Variants in TMEM52B observed in about 807,000 individuals in gnomAD.
The protein encoded by TMEM52B is transmembrane protein 52B, also known as chromosome 12 open reading frame 59.
TMEM52B carries 11 observed loss-of-function variants against 16.1 expected under a neutral mutation model. The observed-to-expected ratio is 0.68, with a 90% CI of 0.43 to 1.13. The LOEUF (loss-of-function observed/expected upper bound fraction) is 1.13, where lower values mean the gene tolerates loss of function less well. Ranked by LOEUF, TMEM52B falls within the 50% of genes most tolerant of loss-of-function variation. The probability of loss-of-function intolerance (pLI) is 0.00; values close to 1 mark genes in which losing one functional copy is unlikely to be tolerated. For missense variants in TMEM52B, 243 were observed against 230.4 expected, an observed-to-expected ratio of 1.05 and a Z score of -0.35; for synonymous variants, 101 against 93.8, an observed-to-expected ratio of 1.08 and a Z score of -0.45.
chr12:10,185,469 A>C, intron 3 of TMEM52B, 101 bp downstream of exon 3: 1 of 870,358 alleles, frequency 1.1e-6, no homozygotes, highest in East Asian at 2.4e-5. Flanking sequence ...GTAAGATTTC[A>C]TTACTTCATC....
At position 10,189,930 on chromosome 12, in the gene TMEM52B, G is replaced by T. The variant is rs761754619; in HGVS notation, c.342G>T (p.Arg114Ser). The change falls in exon 5 of 5, where the codon AGG becomes AGT. Residue 114 changes from arginine to serine, a missense_variant. Coordinates refer to ENST00000543484, the MANE Select transcript of TMEM52B (RefSeq NM_001384896.1). Reference protein sequence around the residue: ...LQSVFGPAARRILAVAHSHSS... With the variant: ...LQSVFGPAARSILAVAHSHSS... ...CGGTGTTTGGCCCTGCAGCTCGGAG[G>T]ATCCTGGCTGTGGCTCACTCCCACA... 12 of 1,614,002 alleles carry T rather than the reference G, an allele frequency of 7.4e-6. No individual in the cohort carries two copies. The highest frequency in any genetic ancestry group is 1.0e-5 in the Non-Finnish European group (12 of 1,180,058).
chr12:10,172,512 C>T (rs1045688528), intron 1 of TMEM52B: 1 of 159,914 alleles, frequency 6.3e-6, no homozygotes, highest in Non-Finnish European at 1.4e-5. Flanking sequence ...CAGACTGTTT[C>T]TATATGGTGT....
At chr12:10,180,666 C>T (rs1948812059) in intron 1 of TMEM52B, among the ~76,000 whole-genome samples, 1 of 152,192 alleles carries the variant, frequency 6.6e-6, no homozygotes, top group African/African-American at 2.4e-5. Context: ...CCTTCACTAC[C>T]CGCCATAAAC....
intron 1 of TMEM52B, among the ~76,000 whole-genome samples, chr12:10,181,870 T>C (rs909827353): frequency 1.3e-5 from 2 of 150,576 alleles, no homozygotes; most frequent in South Asian, 2.1e-4. Context: ...CTACTAAAAA[T>C]ACAAAAATTA....
rs1948883037 is a variant in TMEM52B, at chr12:10,186,599, C to T, written c.307+10C>T. The T allele has an allele frequency of 6.5e-7, 1 of 1,548,238 alleles. No individual in the cohort carries two copies. The highest frequency in any genetic ancestry group is 8.8e-7 in the Non-Finnish European group (1 of 1,136,012). ...CAGAGCACTATCACATGTGAGTACA[C>T]TGAACTTTTAACCTGGGAGGAGGAC... On this transcript the variant is annotated intron_variant, in intron 4 of 4. Transcript: ENST00000543484.
At chr12:10,181,101 C>G (rs762503130) in intron 1 of TMEM52B, among the ~76,000 whole-genome samples, 11 of 152,038 alleles carry the variant, frequency 7.2e-5, no homozygotes, top group Non-Finnish European at 1.5e-4. Context: ...GCCACTGCAC[C>G]CAGCCTTGAA....
At chr12:10,189,623 CAA>C (rs766090432) in intron 4 of TMEM52B, among the ~76,000 whole-genome samples, 6 of 82,910 alleles carry the variant, frequency 7.2e-5, no homozygotes, top group Admixed American at 2.7e-4. Flanking sequence ...AACTCCGTCT[CAA>C]AAAAAAAAAA....
At chr12:10,176,426 TA>T (rs1450129286), upstream of TMEM52B, among the ~76,000 whole-genome samples, 1 of 152,174 alleles carries the variant, frequency 6.6e-6, no homozygotes, top group Non-Finnish European at 1.5e-5. Flanking sequence ...TGATGGCAAT[TA>T]CGTGTTAGAA....
In TMEM52B at chr12:10,189,924, T is replaced by C. The variant is rs775485374; in HGVS notation, c.336T>C (p.Ala112=). Residue 112 remains alanine, a synonymous_variant, in exon 5 of 5, where the codon GCT becomes GCC. Coordinates refer to ENST00000543484, the MANE Select transcript of TMEM52B (RefSeq NM_001384896.1). ...TGCAGTCGGTGTTTGGCCCTGCAGCTCGGAGGATCCTGGCTGTGGCTCACT... is the reference window on the plus strand; with the variant it reads ...TGCAGTCGGTGTTTGGCCCTGCAGCCCGGAGGATCCTGGCTGTGGCTCACT... The part of the protein sequence containing the change: ...TSLQSVFGPA[A]RRILAVAHSH... The C allele has an allele frequency of 6.2e-7, 1 of 1,614,062 alleles. No individual in the cohort carries two copies. Among genetic ancestry groups the C allele is most frequent in the Non-Finnish European group, 8.5e-7 (1 of 1,180,036 alleles).
At position 10,186,535 on chromosome 12, in the gene TMEM52B, G is replaced by A. The variant is rs765318935; in HGVS notation, c.253G>A (p.Glu85Lys). The change falls in exon 4 of 5, where the codon GAA becomes AAA. Residue 85 changes from glutamate (E) to lysine (K), a missense_variant. By Grantham distance (56) the Glu-to-Lys change is moderately conservative. Coordinates refer to ENST00000543484, the MANE Select transcript of TMEM52B (RefSeq NM_001384896.1). ...GGAAGATGGGGGCCCACCACCCTGT[G>A]AAGTGACCGTCATTGCTTTCGATCA... The part of the protein sequence containing the change: ...NGEDGGPPPC[E>K]VTVIAFDHDS... 5.0e-6 allele frequency: 8 copies of A among 1,609,204 alleles called. No homozygotes were observed. The highest frequency in any genetic ancestry group is 6.8e-6 in the Non-Finnish European group (8 of 1,176,296).
intron 1 of TMEM52B, chr12:10,172,267 T>C (rs887186145): frequency 1.9e-6 from 1 of 535,776 alleles, no homozygotes; most frequent in Admixed American, 3.2e-5. Context: ...TCTTGAGTTA[T>C]GTGTATTGCA....
intron 1 of TMEM52B, chr12:10,172,217 AG>A (rs1948728742): frequency 4.8e-6 from 3 of 620,522 alleles, no homozygotes; most frequent in Non-Finnish European, 8.4e-6. Context: ...AGGAGGAAGG[AG>A]AGGCTTTGCT....
chr12:10,179,528 C>T lies in TMEM52B; in HGVS notation c.-47C>T, dbSNP rs1948797404. The T allele has an allele frequency of 6.2e-7, 1 of 1,603,832 alleles. No individual in the cohort carries two copies. On this transcript the variant is annotated 5_prime_UTR_variant, in exon 1 of 5. It introduces an in-frame stop codon into an upstream open reading frame of the 5' UTR. Coordinates refer to ENST00000543484, the MANE Select transcript of TMEM52B (RefSeq NM_001384896.1). ...TATGGCACAGAGCATTGAAAGGAGG[C>T]AACGGATGCCCAGTGCAAGATTCTG...
At chr12:10,188,374 A>T (rs1948905802) in intron 4 of TMEM52B, among the ~76,000 whole-genome samples, 1 of 150,078 alleles carries the variant, frequency 6.7e-6, no homozygotes, top group Non-Finnish European at 1.5e-5. Context: ...CACGAGAATC[A>T]TTTGAGCCCA....
rs764928965 is a variant in TMEM52B, at chr12:10,190,432, T to C, written c.*292T>C. The C allele has an allele frequency of 1.1e-5, 4 of 361,876 alleles. No individual in the cohort carries two copies. Among genetic ancestry groups the C allele is most frequent in the South Asian group, 5.4e-5 (2 of 36,980 alleles). 22.4% of individuals were successfully genotyped at this position (361,876 alleles called of 1,614,324 possible). A position where few individuals can be genotyped will look rare whatever the true frequency, so the allele number is the denominator to read the frequency against. ...AAGGTGTCTTGAATTCCTTTAACTA[T>C]TGAGTGCATATAGAATTCCTGTACC... On this transcript the variant is annotated 3_prime_UTR_variant, in exon 5 of 5. Coordinates refer to ENST00000543484, the MANE Select transcript of TMEM52B (RefSeq NM_001384896.1).
Position 10,190,113 on chromosome 12 carries a change from G to T in TMEM52B, c.525G>T (p.Ser175=), listed in dbSNP as rs1269107594. 1.9e-6 allele frequency: 3 copies of T among 1,614,068 alleles called. No individual in the cohort carries two copies. Among genetic ancestry groups the T allele is most frequent in the South Asian group, 1.1e-5 (1 of 91,042 alleles). The change falls in exon 5 of 5, where the codon TCG becomes TCT. Residue 175 remains serine, a synonymous_variant. Transcript: ENST00000543484. ...AGCTGCCTCCAACAGAGAAGGAGTC[G>T]ACTCGAATAGTTGACTCTTGGAACT... ...EKQLPPTEKE[S]TRIVDSWN is the part of the protein sequence containing the mutation.
Position 10,190,113 on chromosome 12 carries a change from G to A in TMEM52B, c.525G>A (p.Ser175=), listed in dbSNP as rs1269107594. 4.3e-6 allele frequency: 7 copies of A among 1,613,950 alleles called. No homozygotes were observed. Among genetic ancestry groups the A allele is most frequent in the African/African-American group, 1.3e-5 (1 of 74,894 alleles). ...EKQLPPTEKE[S]TRIVDSWN ...AGCTGCCTCCAACAGAGAAGGAGTC[G>A]ACTCGAATAGTTGACTCTTGGAACT... The change falls in exon 5 of 5, where the codon TCG becomes TCA. Residue 175 remains serine, a synonymous_variant. Coordinates refer to ENST00000543484, the MANE Select transcript of TMEM52B (RefSeq NM_001384896.1).
chr12:10,181,437 C>G (rs1039493190), intron 1 of TMEM52B, among the ~76,000 whole-genome samples: 6 of 151,908 alleles, frequency 3.9e-5, no homozygotes, highest in South Asian at 2.1e-4. Context: ...TTAAGCAATT[C>G]TCCTGCCTCA....
chr12:10,180,316 T>TCTGAAAATCCATTTTTTC (rs1948808395), intron 1 of TMEM52B, among the ~76,000 whole-genome samples: 1 of 151,084 alleles, frequency 6.6e-6, no homozygotes, highest in African/African-American at 2.4e-5. Context: ...TAAAGTGGTA[T>TCTGAAAATCCATTTTTTC]CTGAAAATCC....
Sources: allele counts gnomAD v4.1 joint callset (sites outside exome capture counted in the v4.1 genomes callset), GRCh38; gene constraint gnomAD v4.1.1; transcripts MANE v1.5; gene names NCBI Gene and HGNC (gene_info 2026-07-23, HGNC 2026-07-21).